The following MUSK variants were observed in gnomAD, a reference collection of about 807,000 sequenced individuals.
MUSK encodes muscle, skeletal receptor tyrosine-protein kinase.
MUSK carries 55 observed loss-of-function variants against 88.7 expected under a neutral mutation model. The observed-to-expected ratio is 0.62, with a 90% CI of 0.50 to 0.78. MUSK has a LOEUF of 0.78. Ranked by LOEUF, MUSK falls within the 30% of genes least tolerant of loss-of-function variation. The pLI is 0.00. For synonymous variants in MUSK, 387 were observed against 391.9 expected, an observed-to-expected ratio of 0.99 and a Z score of 0.15; for missense variants, 1,015 against 1,074.3, an observed-to-expected ratio of 0.94 and a Z score of 0.77.
At chr9:110,762,642 TA>T (rs2077419183) in intron 8 of MUSK, among the ~76,000 whole-genome samples, 4 of 152,134 alleles carry the variant, frequency 2.6e-5, no homozygotes, top group Admixed American at 2.6e-4. Context: ...CAGTAAATGA[TA>T]AAGTTAGAAA....
At chr9:110,757,499 CA>C (rs2077342143) in intron 7 of MUSK, among the ~76,000 whole-genome samples, 1 of 150,536 alleles carries the variant, frequency 6.6e-6, no homozygotes. Context: ...AAACATTTAC[CA>C]AATAATATGG....
Position 110,775,923 on chromosome 9 carries a change from G to A in MUSK, c.1320G>A (p.Met440Ile). Residue 440 changes from methionine to isoleucine, a missense_variant, in exon 10 of 15, where the codon ATG (methionine) becomes ATA (isoleucine). By Grantham distance (10) the Met-to-Ile change is conservative. Transcript: ENST00000374448. ...CAGAATGCAGCAAGCTTCCCAGCAT[G>A]CATTGGGACCCCACGGCCTGTGCCA... ...SVPECSKLPS[M>I]HWDPTACARL... The A allele has an allele frequency of 6.2e-7, 1 of 1,613,954 alleles. No homozygotes were observed. The highest frequency in any genetic ancestry group is 8.5e-7 in the Non-Finnish European group (1 of 1,179,826).
chr9:110,762,454 C>G (rs1027957298), intron 8 of MUSK, among the ~76,000 whole-genome samples: 1 of 152,122 alleles, frequency 6.6e-6, no homozygotes, highest in African/African-American at 2.4e-5. Flanking sequence ...CAGGTAACCT[C>G]TACTGAATAC....
chr9:110,767,650 T>C (rs1044143505), intron 8 of MUSK, 170 bp from the exon 9 acceptor site: 15 of 716,284 alleles, frequency 2.1e-5, no homozygotes, highest in Non-Finnish European at 2.9e-5. Context: ...GATGATATAA[T>C]TGCAGCTGGA....
At chr9:110,799,737 T>C (rs1008960988) in intron 14 of MUSK, among the ~76,000 whole-genome samples, 2 of 152,124 alleles carry the variant, frequency 1.3e-5, no homozygotes, top group Non-Finnish European at 2.9e-5. Context: ...GGGAGAAACC[T>C]CAAATAGTCA....
chr9:110,758,773 C>T (rs1274000771), intron 7 of MUSK, among the ~76,000 whole-genome samples: 1 of 152,148 alleles, frequency 6.6e-6, no homozygotes, highest in Admixed American at 6.5e-5. Flanking sequence ...TATATACCAA[C>T]AATCACCAAG....
intron 3 of MUSK, among the ~76,000 whole-genome samples, chr9:110,690,834 A>ATAAATATAAGTATATATATAAATATATT (rs1564221084): frequency 1.7e-5 from 2 of 118,680 alleles, no homozygotes; most frequent in Non-Finnish European, 3.2e-5. Flanking sequence ...ATAAATATAT[A>ATAAATATAAGTATATATATAAATATATT]TAAATATAAG....
Position 110,776,666 on chromosome 9 carries a change from G to A in MUSK, c.1384+11G>A. On this transcript the variant is annotated intron_variant, in intron 11 of 14. Coordinates refer to ENST00000374448, the MANE Select transcript of MUSK (RefSeq NM_005592.4). ...AAGAAAACCTAAAAAGTAAGTAATT[G>A]TGTTTGTGCCCTTGAAACCTTATGT... 1.3e-6 allele frequency: 2 copies of A among 1,588,962 alleles called. No individual in the cohort carries two copies. Among genetic ancestry groups the A allele is most frequent in the East Asian group, 2.2e-5 (1 of 44,498 alleles).
intron 6 of MUSK, among the ~76,000 whole-genome samples, chr9:110,742,914 G>A (rs150773684): frequency 2.6e-5 from 4 of 152,308 alleles, no homozygotes; most frequent in East Asian, 1.9e-4. Flanking sequence ...CCACATTGAC[G>A]CAAATCACAG....
rs540937690 is a variant in MUSK, at chr9:110,724,131, G to A, written c.629-10120G>A. Among the ~76,000 whole-genome samples the A allele has an allele frequency of 6.6e-4, 100 of 151,840 alleles. 3 individuals carry two copies. The Middle Eastern group carries it at 0.014, about 21-fold the overall frequency. ...ATTTCTAGCATTTCTACTATTATAT[G>A]TATTTCAATTTTGCCTGTTTGTTTT... On this transcript the variant is annotated intron_variant, in intron 5 of 14. Transcript: ENST00000374448.
chr9:110,689,453 A>G (rs866238482), intron 3 of MUSK, among the ~76,000 whole-genome samples: 1 of 110,514 alleles, frequency 9.0e-6, no homozygotes, highest in Non-Finnish European at 1.6e-5. Flanking sequence ...TATGTAAAAA[A>G]TACATATTTA....
chr9:110,676,825 G>A (rs1175213076), intron 1 of MUSK, among the ~76,000 whole-genome samples: 1 of 152,108 alleles, frequency 6.6e-6, no homozygotes, highest in Admixed American at 6.5e-5. Context: ...TTGCTTCCAT[G>A]TCTTTGCTAT....
chr9:110,740,416 C>T (rs916570196), intron 6 of MUSK, among the ~76,000 whole-genome samples: 2 of 152,262 alleles, frequency 1.3e-5, no homozygotes, highest in South Asian at 4.1e-4. Context: ...TGTGTGTGCA[C>T]TTCTGGTGTC....
intron 7 of MUSK, 168 bp downstream of exon 7, chr9:110,747,968 AT>A: frequency 1.1e-6 from 1 of 938,936 alleles, no homozygotes; most frequent in East Asian, 2.5e-5. Flanking sequence ...CTAGATATGG[AT>A]TTTGGCAGAT....
intron 5 of MUSK, among the ~76,000 whole-genome samples, chr9:110,697,788 C>T (rs1285643759): frequency 6.6e-6 from 1 of 151,746 alleles, no homozygotes; most frequent in African/African-American, 2.4e-5. Context: ...ACAATTCTTC[C>T]CTCATTTAAA....
At chr9:110,747,585 C>A in intron 6 of MUSK, 56 bp from the exon 7 acceptor site, 1 of 1,507,970 alleles carries the variant, frequency 6.6e-7, no homozygotes, top group Non-Finnish European at 9.1e-7. Flanking sequence ...AATCTACTGA[C>A]ATAGTATAGT....
intron 14 of MUSK, among the ~76,000 whole-genome samples, chr9:110,789,549 C>T (rs879656828): frequency 7.9e-5 from 12 of 152,218 alleles, no homozygotes; most frequent in Non-Finnish European, 1.5e-4. Context: ...GAGGCCGAGG[C>T]GAGCAGATCA....
rs747203404 is a variant in MUSK at position 110,668,921 on chromosome 9, A to G, written c.17A>G (p.Asn6Ser). 6.3e-5 allele frequency: 102 copies of G among 1,613,686 alleles called. No homozygotes were observed. Among genetic ancestry groups the G allele is most frequent in the Non-Finnish European group, 8.3e-5 (98 of 1,179,722 alleles). MRELV[N>S]IPLVHILTLV... ...GGATTAATCATGAGAGAGCTCGTCAACATTCCACTGGTACATATTCTTACT... is the reference window on the plus strand; with the variant it reads ...GGATTAATCATGAGAGAGCTCGTCAGCATTCCACTGGTACATATTCTTACT... Residue 6 changes from asparagine to serine, a missense_variant, in exon 1 of 15, where the codon AAC becomes AGC. Coordinates refer to ENST00000374448, the MANE Select transcript of MUSK (RefSeq NM_005592.4).
Position 110,787,749 on chromosome 9 carries a change from A to G in MUSK, c.1838A>G (p.Glu613Gly). ...ATGGTGGCAGTAAAGATGCTCAAAGAAGAAGCCTCGGCAGATATGCAAGCG... is the reference window on the plus strand; with the variant it reads ...ATGGTGGCAGTAAAGATGCTCAAAGGAGAAGCCTCGGCAGATATGCAAGCG... The part of the protein sequence containing the change: ...FTMVAVKMLK[E>G]EASADMQADF... The change falls in exon 14 of 15, where the codon GAA (glutamate) becomes GGA (glycine). Residue 613 changes from glutamate to glycine, a missense_variant. Transcript: ENST00000374448. The G allele has an allele frequency of 6.2e-7, 1 of 1,613,956 alleles. No individual in the cohort carries two copies.
Sources: gnomAD v4.1 joint callset for allele counts (sites outside exome capture counted in the v4.1 genomes callset) on GRCh38, gnomAD v4.1.1 for gene constraint, MANE v1.5 for transcripts, NCBI Gene and HGNC (gene_info 2026-07-23, HGNC 2026-07-21) for gene names.